C10orf105: variants seen among roughly 807,000 people sequenced by gnomAD.
The protein encoded by C10orf105 is chromosome 10 open reading frame 105, also known as uncharacterized protein C10orf105.
In C10orf105, 2 loss-of-function variants were observed where a neutral mutation model predicts 0.6. The ratio of observed to expected loss-of-function variants is 3.18; its 90% CI spans 1.30 to 10.01. The LOEUF is 10.01. Among genes scored for constraint, C10orf105 ranks in the 30% most tolerant of loss-of-function variants. C10orf105 has a pLI of 0.04. For synonymous variants in C10orf105, 95 were observed against 82.4 expected (o/e 1.15, Z -0.83); for missense variants, 209 against 191.4 (o/e 1.09, Z -0.54).
intron 1 of C10orf105, chr10:71,734,478 A>G (rs975168486): frequency 1.3e-5 from 19 of 1,519,422 alleles, no homozygotes; most frequent in South Asian, 2.4e-5. Context: ...AGGCTTCGCC[A>G]TGTCCAGCCA....
chr10:71,736,255 G>A (rs1343837801), intron 1 of C10orf105, among the ~76,000 whole-genome samples: 1 of 152,236 alleles, frequency 6.6e-6, no homozygotes, highest in Non-Finnish European at 1.5e-5. Flanking sequence ...GCTCCCAGGG[G>A]CCGCTGCCCC....
At chr10:71,729,104 C>T (rs755267339) in intron 1 of C10orf105, among the ~76,000 whole-genome samples, 1 of 152,128 alleles carries the variant, frequency 6.6e-6, no homozygotes, top group Non-Finnish European at 1.5e-5. Flanking sequence ...CAAATTTCTG[C>T]GATTACAGGC....
intron 1 of C10orf105, among the ~76,000 whole-genome samples, chr10:71,730,135 C>A (rs990557014): frequency 6.6e-6 from 1 of 152,160 alleles, no homozygotes; most frequent in Admixed American, 6.5e-5. Flanking sequence ...CCGCGCCCGG[C>A]CGAATTATTA....
chr10:71,733,582 G>A (rs1169992852), intron 1 of C10orf105, among the ~76,000 whole-genome samples: 1 of 152,116 alleles, frequency 6.6e-6, no homozygotes, highest in Non-Finnish European at 1.5e-5. Flanking sequence ...CCAGGAACCA[G>A]GGACAGAGAC....
At position 71,714,120 on chromosome 10, in the gene C10orf105, G is replaced by T. The variant is rs1446428821; in HGVS notation, c.*1816C>A. The T allele has an allele frequency of 6.6e-6, 1 of 152,110 alleles. No individual in the cohort carries two copies. The highest frequency in any genetic ancestry group is 2.4e-5 in the African/African-American group (1 of 41,400). 9.4% of individuals were successfully genotyped at this position (152,110 alleles called of 1,614,324 possible). On this transcript the variant is annotated 3_prime_UTR_variant, in exon 2 of 2. Transcript: ENST00000441508. ...AGGATGACTTCTCCAAGGTCCTCTT[G>T]GTAAGTTTCTTGTGAAGCCGGACTC...
chr10:71,719,929 G>C (rs1029221177), upstream of C10orf105: 1 of 152,826 alleles, frequency 6.5e-6, no homozygotes, highest in Non-Finnish European at 1.5e-5. Context: ...ATGCCCCCTG[G>C]CCTTCCCACC....
chr10:71,737,799 T>C (rs1589387334), exon 1 of C10orf105: 1 of 466,810 alleles, frequency 2.1e-6, no homozygotes. Context: ...GCCTTCACTC[T>C]CCTGCCTCTC....
At chr10:71,716,489 C>G (rs1011622456) in intron 1 of C10orf105, 147 bp from the exon 2 acceptor site, 9 of 631,960 alleles carry the variant, frequency 1.4e-5, no homozygotes, top group Non-Finnish European at 2.4e-5. Flanking sequence ...GTTAAGACAG[C>G]AAGGTCCAGA....
chr10:71,716,137 G>T lies in C10orf105; in HGVS notation c.201C>A (p.Ser67Arg). 4 of 1,550,030 alleles carry T rather than the reference G, an allele frequency of 2.6e-6. No individual in the cohort carries two copies. The highest frequency in any genetic ancestry group is 3.5e-6 in the Non-Finnish European group (4 of 1,146,440). Residue 67 changes from serine (S) to arginine (R), a missense_variant, in exon 2 of 2, where the codon AGC (serine) becomes AGA (arginine). Ser to Arg is a moderately radical substitution (Grantham distance 110, BLOSUM62 -1). Coordinates refer to ENST00000441508, the MANE Select transcript of C10orf105 (RefSeq NM_001164375.3). ...TLCKPAALDP[S>R]RRRAHECMPH... ...GCATGCACTCGTGAGCCCTGCGGCG[G>T]CTCGGGTCCAGCGCGGCCGGCTTGC...
intron 1 of C10orf105, among the ~76,000 whole-genome samples, chr10:71,736,799 G>A (rs1190811205): frequency 6.6e-6 from 1 of 152,198 alleles, no homozygotes; most frequent in Non-Finnish European, 1.5e-5. Flanking sequence ...CTAAGTGTAC[G>A]ATACAGTGAG....
chr10:71,732,000 G>C (rs767483018), intron 1 of C10orf105: 2 of 1,613,602 alleles, frequency 1.2e-6, no homozygotes. Context: ...ATGGTGGCCT[G>C]GTGAACTACC....
chr10:71,731,755 G>T (rs1200433176), intron 1 of C10orf105, among the ~76,000 whole-genome samples: 1 of 152,160 alleles, frequency 6.6e-6, no homozygotes, highest in Non-Finnish European at 1.5e-5. Flanking sequence ...CCTATCTCTG[G>T]TGCCAAGGCC....
At chr10:71,735,461 T>C (rs1589385450) in intron 1 of C10orf105, among the ~76,000 whole-genome samples, 1 of 152,072 alleles carries the variant, frequency 6.6e-6, no homozygotes. Flanking sequence ...CAGGGCCAGC[T>C]ACCTGAGAGA....
upstream of C10orf105, among the ~76,000 whole-genome samples, chr10:71,721,774 G>A (rs1036748537): frequency 6.6e-6 from 1 of 152,138 alleles, no homozygotes; most frequent in Non-Finnish European, 1.5e-5. Context: ...GAGGTTCCAG[G>A]GCATCAGTGC....
intron 1 of C10orf105, among the ~76,000 whole-genome samples, chr10:71,718,383 C>T (rs372972033): frequency 6.6e-6 from 1 of 152,362 alleles, no homozygotes; most frequent in East Asian, 1.9e-4. Context: ...CCACCCCTCC[C>T]AGCACTTCCA....
At chr10:71,724,259 C>T (rs1279102316), upstream of C10orf105, among the ~76,000 whole-genome samples, 1 of 152,184 alleles carries the variant, frequency 6.6e-6, no homozygotes, top group Non-Finnish European at 1.5e-5. Context: ...GGGACATTCT[C>T]CTTATTCACA....
chr10:71,712,784 G>C lies in C10orf105; in HGVS notation c.*3152C>G. ...CAGCTATGAGGCCAGCGTCCCTGAG[G>C]ACATCCCTGAAGGCCACAGCATCTT... On this transcript the variant is annotated 3_prime_UTR_variant, in exon 2 of 2. Coordinates refer to ENST00000441508, the MANE Select transcript of C10orf105 (RefSeq NM_001164375.3). 6.2e-7 allele frequency: 1 copy of C among 1,612,892 alleles called. No individual in the cohort carries two copies. Among genetic ancestry groups the C allele is most frequent in the South Asian group, 1.1e-5 (1 of 90,868 alleles).
chr10:71,711,946 A>C lies in C10orf105; in HGVS notation c.*3990T>G, dbSNP rs1005959267. On this transcript the variant is annotated 3_prime_UTR_variant, in exon 2 of 2. Transcript: ENST00000441508. ...ATCTGCATCCTAAATTTGCCACGAC[A>C]AACTACCACAAACTTAAAACAGCAG... 6.6e-6 allele frequency: 1 copy of C among 152,212 alleles called. No homozygotes were observed. Among genetic ancestry groups the C allele is most frequent in the Non-Finnish European group, 1.5e-5 (1 of 68,050 alleles). 9.4% of individuals were successfully genotyped at this position (152,212 alleles called of 1,614,324 possible).
upstream of C10orf105, among the ~76,000 whole-genome samples, chr10:71,720,662 C>T (rs745333592): frequency 1.3e-5 from 2 of 152,218 alleles, no homozygotes; most frequent in Non-Finnish European, 2.9e-5. Flanking sequence ...TTTAGCTGTT[C>T]CCTCCTGCCC....
Sources: allele counts gnomAD v4.1 joint callset (sites outside exome capture counted in the v4.1 genomes callset), GRCh38; gene constraint gnomAD v4.1.1; transcripts MANE v1.5; gene names NCBI Gene and HGNC (gene_info 2026-07-23, HGNC 2026-07-21).